The following JAK1 variants were observed in gnomAD, a reference collection of about 807,000 sequenced individuals.
JAK1 encodes the protein Janus kinase 1.
A neutral mutation model predicts 136.6 loss-of-function variants in JAK1; 16 were observed. The observed-to-expected ratio is 0.12, with a 90% CI of 0.08 to 0.18. JAK1 has a LOEUF of 0.18. JAK1 is among the 10% of genes least tolerant of loss of function. The pLI is 1.00. For missense variants in JAK1, 859 were observed against 1,450.1 expected (o/e 0.59, Z 6.62); for synonymous variants, 492 against 519.5 (o/e 0.95, Z 0.72).
rs1473415116 is a variant in JAK1 at position 64,873,300 on chromosome 1, G to A, written c.483+70C>T. 1.9e-6 allele frequency: 3 copies of A among 1,572,678 alleles called. No individual in the cohort carries two copies. In the African/African-American group the frequency reaches 4.1e-5, roughly 21 times the overall value. The stretch of plus-strand genomic sequence containing the variant: ...AGCACCACCAAGTTCAGCTGCAGCA[G>A]GGGGTCTGAGCTCTACAATGCCTCT... On this transcript the variant is annotated intron_variant, in intron 5 of 24. Coordinates refer to ENST00000342505, the MANE Select transcript of JAK1 (RefSeq NM_002227.4).
At chr1:64,895,643 C>T (rs557752027) in intron 1 of JAK1, among the ~76,000 whole-genome samples, 22 of 152,290 alleles carry the variant, frequency 1.4e-4, no homozygotes, top group African/African-American at 3.8e-4. Flanking sequence ...ACCCATACAA[C>T]GCATATGCAC....
At chr1:65,024,338 AT>A (rs1206911235) in intron 2 of JAK1, among the ~76,000 whole-genome samples, 1 of 151,966 alleles carries the variant, frequency 6.6e-6, no homozygotes, top group Admixed American at 6.6e-5. Flanking sequence ...TTTGATTTGC[AT>A]TTTCTTAATG....
chr1:64,932,627 T>C (rs749764369), intron 1 of JAK1, among the ~76,000 whole-genome samples: 1 of 152,180 alleles, frequency 6.6e-6, no homozygotes, highest in African/African-American at 2.4e-5. Flanking sequence ...TTGAAATAAT[T>C]TTAGATTTAC....
intron 5 of JAK1, 72 bp downstream of exon 5, chr1:64,873,298 C>CA (rs1657186173): frequency 1.3e-6 from 2 of 1,570,012 alleles, no homozygotes; most frequent in Non-Finnish European, 8.7e-7. Context: ...TCAGCTGCAG[C>CA]AGGGGGTCTG....
At position 64,935,000 on chromosome 1, in the gene JAK1, C is replaced by A. The variant is rs986933778; in HGVS notation, c.-78+31333G>T. On this transcript the variant is annotated intron_variant, in intron 1 of 24. Transcript: ENST00000342505. ...CTTATCAAACCAATTTACTTGAGGACCAATCTATTTCTGGCTGTGGGGATA... is the reference window on the plus strand; with the variant it reads ...CTTATCAAACCAATTTACTTGAGGAACAATCTATTTCTGGCTGTGGGGATA... 1.7e-4 allele frequency among the ~76,000 whole-genome samples: 26 copies of A among 152,260 alleles called. No homozygotes were observed. The Middle Eastern group carries it at 0.014, about 80-fold the overall frequency.
At chr1:65,054,849 G>C (rs1026090456) in intron 1 of JAK1, among the ~76,000 whole-genome samples, 1 of 152,118 alleles carries the variant, frequency 6.6e-6, no homozygotes, top group African/African-American at 2.4e-5. Context: ...CATGTGTAAA[G>C]GACTTCAGAT....
At chr1:64,894,493 TCACGCCTGTAATCCCAG>T (rs1644984347) in intron 1 of JAK1, among the ~76,000 whole-genome samples, 1 of 152,148 alleles carries the variant, frequency 6.6e-6, no homozygotes, top group African/African-American at 2.4e-5. Context: ...GCACAATGGC[TCACGCCTGTAATCCCAG>T]CACTTTGGGA....
intron 1 of JAK1, among the ~76,000 whole-genome samples, chr1:65,044,774 G>A (rs1161712848): frequency 4.6e-5 from 7 of 152,214 alleles, no homozygotes. Context: ...GGACAACTGA[G>A]TGCAACAGCA....
chr1:64,875,354 C>A (rs1657336751), intron 4 of JAK1, among the ~76,000 whole-genome samples: 1 of 152,162 alleles, frequency 6.6e-6, no homozygotes, highest in South Asian at 2.1e-4. Flanking sequence ...GGAGGGAAGC[C>A]CCATGGAAGA....
chr1:64,956,263 T>A (rs1464292384), intron 1 of JAK1, among the ~76,000 whole-genome samples: 1 of 152,166 alleles, frequency 6.6e-6, no homozygotes, highest in African/African-American at 2.4e-5. Flanking sequence ...AACAGAGAAA[T>A]CATCCATTAT....
intron 1 of JAK1, among the ~76,000 whole-genome samples, chr1:64,895,266 A>T (rs72920202): frequency 0.15 from 22,317 of 152,204 alleles, 1,750 homozygotes; most frequent in East Asian, 0.31. Flanking sequence ...TCACAAAAAG[A>T]TATTGATCCT....
chr1:64,920,441 G>A (rs1645475198), intron 1 of JAK1, among the ~76,000 whole-genome samples: 1 of 152,158 alleles, frequency 6.6e-6, no homozygotes. Flanking sequence ...TTGGGAGGCT[G>A]AGAACTACAC....
At chr1:64,903,743 G>A (rs114080316) in intron 1 of JAK1, among the ~76,000 whole-genome samples, 1,850 of 152,262 alleles carry the variant, frequency 0.012, 44 homozygotes, top group African/African-American at 0.042. Context: ...ACGACTATGT[G>A]GCTGCTGCAG....
intron 2 of JAK1, among the ~76,000 whole-genome samples, chr1:65,026,835 A>G (rs1434312651): frequency 6.6e-6 from 1 of 151,820 alleles, no homozygotes; most frequent in East Asian, 2.0e-4. Context: ...GGCATGGCGG[A>G]GTGCACCTCT....
intron 1 of JAK1, among the ~76,000 whole-genome samples, chr1:64,899,864 A>T (rs1470317628): frequency 6.6e-6 from 1 of 152,214 alleles, no homozygotes; most frequent in Non-Finnish European, 1.5e-5. Flanking sequence ...ATCAAATTGA[A>T]AAACAGCATG....
At chr1:64,971,785 C>T (rs1285974587) in intron 2 of JAK1, among the ~76,000 whole-genome samples, 1 of 152,180 alleles carries the variant, frequency 6.6e-6, no homozygotes, top group South Asian at 2.1e-4. Flanking sequence ...TCTCAAACGC[C>T]TGACCTCAAG....
intron 2 of JAK1, among the ~76,000 whole-genome samples, chr1:65,031,155 CAAA>C (rs375856684): frequency 1.5e-4 from 10 of 68,244 alleles, no homozygotes; most frequent in Non-Finnish European, 1.8e-4. Context: ...GACCCTATCT[CAAA>C]AAAAAAAAAA....
At chr1:65,054,775 T>C (rs61095819) in intron 1 of JAK1, among the ~76,000 whole-genome samples, 100,620 of 145,710 alleles carry the variant, frequency 0.69, 34,639 homozygotes, top group South Asian at 0.78. Context: ...TCATTGCTAC[T>C]ATATTGAGTT....
intron 1 of JAK1, among the ~76,000 whole-genome samples, chr1:64,903,317 G>A (rs1244220614): frequency 2.0e-5 from 3 of 152,122 alleles, no homozygotes; most frequent in African/African-American, 7.2e-5. Flanking sequence ...GTAAGCCACC[G>A]CATCTGGCCC....
Sources: allele counts gnomAD v4.1 joint callset (sites outside exome capture counted in the v4.1 genomes callset), GRCh38; gene constraint gnomAD v4.1.1; transcripts MANE v1.5; gene names NCBI Gene and HGNC (gene_info 2026-07-23, HGNC 2026-07-21).